Variants in LRPPRC observed in about 807,000 individuals in gnomAD.
LRPPRC encodes the protein leucine-rich PPR motif-containing protein, mitochondrial.
A neutral mutation model predicts 180.3 loss-of-function variants in LRPPRC; 120 were observed. That is an observed-to-expected ratio of 0.67 (90% CI 0.57 to 0.77). The LOEUF (loss-of-function observed/expected upper bound fraction) is 0.77, where lower values mean the gene tolerates loss of function less well. LRPPRC is among the 30% of genes least tolerant of loss of function. The probability of loss-of-function intolerance (pLI) is 0.00; values close to 1 mark genes in which losing one functional copy is unlikely to be tolerated. For missense variants in LRPPRC, 2,012 were observed against 1,657.2 expected (o/e 1.21, Z -3.72); for synonymous variants, 723 against 600.0 (o/e 1.21, Z -3.00).
chr2:43,986,979 T>C (rs1674553978), intron 1 of LRPPRC, among the ~76,000 whole-genome samples: 1 of 152,226 alleles, frequency 6.6e-6, no homozygotes, highest in Non-Finnish European at 1.5e-5. Flanking sequence ...CTCAAATTTA[T>C]CTCCTACGTT....
At chr2:43,968,260 G>A (rs941877106) in intron 11 of LRPPRC, among the ~76,000 whole-genome samples, 3 of 152,170 alleles carry the variant, frequency 2.0e-5, no homozygotes, top group African/African-American at 7.2e-5. Context: ...GCTTCCAGAC[G>A]CTTTTACACA....
At chr2:43,962,621 T>C (rs1260638130) in intron 12 of LRPPRC, among the ~76,000 whole-genome samples, 1 of 152,208 alleles carries the variant, frequency 6.6e-6, no homozygotes, top group African/African-American at 2.4e-5. Flanking sequence ...TCCAATGCAC[T>C]GTCCCAATCA....
intron 30 of LRPPRC, among the ~76,000 whole-genome samples, chr2:43,908,509 A>AT (rs926161036): frequency 2.6e-5 from 4 of 151,698 alleles, no homozygotes; most frequent in African/African-American, 7.3e-5. Context: ...TAAAAATGAT[A>AT]TTTTTTTTAA....
intron 32 of LRPPRC, among the ~76,000 whole-genome samples, chr2:43,900,963 C>T (rs961469643): frequency 7.9e-5 from 12 of 152,110 alleles, no homozygotes; most frequent in Admixed American, 7.9e-4. Context: ...TTCTGCTTCA[C>T]AATATTCTAC....
chr2:43,948,986 C>T (rs1021430428), intron 16 of LRPPRC, among the ~76,000 whole-genome samples: 3 of 151,868 alleles, frequency 2.0e-5, no homozygotes, highest in Non-Finnish European at 4.4e-5. Context: ...ATACAGTAAT[C>T]CTGTGGAGAG....
At position 43,889,789 on chromosome 2, in the gene LRPPRC, C is replaced by T. The variant is rs373807582; in HGVS notation, c.4073G>A (p.Arg1358His). 72 of 1,611,588 alleles carry T rather than the reference C, an allele frequency of 4.5e-5. No individual in the cohort carries two copies. The highest frequency in any genetic ancestry group is 6.7e-5 in the Admixed American group (4 of 60,012). ...AGCATACTTCAGCAAAGATGCGTAA[C>T]GCTTTAGAAACAGATCATCCAATTT... ...NTKLDDLFLK[R>H]YASLLKYAGE... Residue 1358 changes from arginine (R) to histidine (H), a missense_variant, in exon 37 of 38, where the codon CGT becomes CAT. By Grantham distance (29) the Arg-to-His change is conservative. Coordinates refer to ENST00000260665, the MANE Select transcript of LRPPRC (RefSeq NM_133259.4).
At chr2:43,975,494 G>A (rs1192971046) in intron 6 of LRPPRC, among the ~76,000 whole-genome samples, 2 of 151,922 alleles carry the variant, frequency 1.3e-5, no homozygotes, top group South Asian at 2.1e-4. Context: ...CTTAACTTTC[G>A]AGGTAAGAAT....
At chr2:43,909,975 C>T (rs1469537613) in intron 30 of LRPPRC, among the ~76,000 whole-genome samples, 1 of 152,126 alleles carries the variant, frequency 6.6e-6, no homozygotes, top group Non-Finnish European at 1.5e-5. Flanking sequence ...ACATAGACAA[C>T]CCAATCCACA....
intron 29 of LRPPRC, among the ~76,000 whole-genome samples, chr2:43,913,164 ATTTG>A (rs1331352532): frequency 6.6e-6 from 1 of 152,180 alleles, no homozygotes; most frequent in African/African-American, 2.4e-5. Context: ...ACTAAGCAAC[ATTTG>A]TTTGACTGAT....
intron 1 of LRPPRC, among the ~76,000 whole-genome samples, chr2:43,990,629 A>G (rs1423445501): frequency 6.6e-6 from 1 of 152,114 alleles, no homozygotes; most frequent in Non-Finnish European, 1.5e-5. Flanking sequence ...AATATCCACT[A>G]CCATGTGTCC....
intron 24 of LRPPRC, 66 bp from the exon 25 acceptor site, chr2:43,934,362 G>C (rs1672197855): frequency 1.3e-6 from 1 of 745,630 alleles, no homozygotes; most frequent in Non-Finnish European, 2.3e-6. Context: ...AGTATCATAT[G>C]AAGTTCCAGA....
At chr2:43,906,649 C>T (rs533951814) in intron 30 of LRPPRC, among the ~76,000 whole-genome samples, 48 of 152,270 alleles carry the variant, frequency 3.2e-4, no homozygotes, top group South Asian at 6.2e-4. Context: ...TTTGCCTTAT[C>T]GAGCTCAGTG....
chr2:43,961,013 T>C (rs952998709), intron 12 of LRPPRC, among the ~76,000 whole-genome samples: 1 of 152,204 alleles, frequency 6.6e-6, no homozygotes, highest in African/African-American at 2.4e-5. Flanking sequence ...GGCTCATCAC[T>C]TGTCCCAACA....
chr2:43,962,939 T>A (rs1673409015), intron 12 of LRPPRC, among the ~76,000 whole-genome samples: 1 of 152,160 alleles, frequency 6.6e-6, no homozygotes, highest in Admixed American at 6.5e-5. Context: ...AACTCCTGTT[T>A]CTTTAATAAA....
intron 27 of LRPPRC, among the ~76,000 whole-genome samples, chr2:43,918,792 G>T (rs62138275): frequency 1.0e-3 from 47 of 45,078 alleles, no homozygotes; most frequent in East Asian, 6.3e-3. Flanking sequence ...TATATATATA[G>T]ATATATATAT....
At chr2:43,901,003 C>T (rs2104992423) in intron 32 of LRPPRC, among the ~76,000 whole-genome samples, 1 of 152,230 alleles carries the variant, frequency 6.6e-6, no homozygotes, top group South Asian at 2.1e-4. Context: ...TACTGACAAA[C>T]AAATGAGATC....
intron 29 of LRPPRC, among the ~76,000 whole-genome samples, chr2:43,917,645 C>T (rs1410798462): frequency 6.6e-6 from 1 of 151,904 alleles, no homozygotes; most frequent in Admixed American, 6.6e-5. Flanking sequence ...AAAAATTAGC[C>T]AGGCGTGGGG....
Position 43,898,086 on chromosome 2 carries a change from A to C in LRPPRC, c.3825+1133T>G, listed in dbSNP as rs6707394. Reference sequence around the variant, plus strand: ...TCCTTAAAATTAAAAAAAAAAAAAAAAACAAAGGAAAAAAAGTAAACAAGC... The same window carrying C: ...TCCTTAAAATTAAAAAAAAAAAAAACAACAAAGGAAAAAAAGTAAACAAGC... On this transcript the variant is annotated intron_variant, in intron 34 of 37. Coordinates refer to ENST00000260665, the MANE Select transcript of LRPPRC (RefSeq NM_133259.4). Among the ~76,000 whole-genome samples the C allele has an allele frequency of 8.7e-3, 1,312 of 151,172 alleles. 20 individuals are homozygous for C. Among genetic ancestry groups the C allele is most frequent in the African/African-American group, 0.03 (1,237 of 41,204 alleles).
At chr2:43,945,477 C>T in intron 21 of LRPPRC, 60 bp from the exon 22 acceptor site, 1 of 947,016 alleles carries the variant, frequency 1.1e-6, no homozygotes, top group Non-Finnish European at 1.7e-6. Context: ...AAAAGAACAG[C>T]AACATCCATT....
Sources: allele counts gnomAD v4.1 joint callset (sites outside exome capture counted in the v4.1 genomes callset), GRCh38; gene constraint gnomAD v4.1.1; transcripts MANE v1.5; gene names NCBI Gene and HGNC (gene_info 2026-07-23, HGNC 2026-07-21).